The following CLTCL1 variants were observed in gnomAD, a reference collection of about 807,000 sequenced individuals.
The protein encoded by CLTCL1 is clathrin heavy chain 2.
A neutral mutation model predicts 190.0 loss-of-function variants in CLTCL1; 159 were observed. That is an observed-to-expected ratio of 0.84 (90% CI 0.74 to 0.95). The LOEUF (loss-of-function observed/expected upper bound fraction) is 0.95. Among genes scored for constraint, CLTCL1 ranks in the 40% least tolerant of loss-of-function variants. CLTCL1 has a pLI of 0.00. For missense variants in CLTCL1, 1,878 were observed against 2,033.4 expected, an observed-to-expected ratio of 0.92 and a Z score of 1.47; for synonymous variants, 752 against 769.6, an observed-to-expected ratio of 0.98 and a Z score of 0.38.
chr22:19,191,554 A>C, intron 26 of CLTCL1, 119 bp from the exon 27 acceptor site: 1 of 1,203,268 alleles, frequency 8.3e-7, no homozygotes, highest in Non-Finnish European at 1.2e-6. Context: ...TACCCCCTAT[A>C]AGACTCAATG....
intron 3 of CLTCL1, among the ~76,000 whole-genome samples, chr22:19,253,107 A>C (rs1198647831): frequency 6.6e-6 from 1 of 152,098 alleles, no homozygotes; most frequent in Admixed American, 6.6e-5. Context: ...CTTAAAATAC[A>C]GTCTAAGAAC....
intron 31 of CLTCL1, 75 bp from the exon 32 acceptor site, chr22:19,180,313 A>G: frequency 6.8e-7 from 1 of 1,466,950 alleles, no homozygotes; most frequent in Non-Finnish European, 9.5e-7. Flanking sequence ...GGCGTGCTGC[A>G]CACTCACACC....
rs1555971306 is a variant in CLTCL1 at position 19,254,002 on chromosome 22, T to C, written c.476A>G (p.Asp159Gly). ...GAGCAGCAGCCACTTCTGGTACTCA[T>C]CAGTCCGGTAGTGAATCACCTGGCA... Reference protein sequence around the residue: ...VGCQVIHYRTDEYQKWLLLVG... With the variant: ...VGCQVIHYRTGEYQKWLLLVG... The change falls in exon 3 of 33, where the codon GAT becomes GGT. Residue 159 changes from aspartate to glycine, a missense_variant. Coordinates refer to ENST00000427926, the MANE Select transcript of CLTCL1 (RefSeq NM_007098.4). 1 of 1,613,276 alleles carries C rather than the reference T, an allele frequency of 6.2e-7. No individual in the cohort carries two copies. The highest frequency in any genetic ancestry group is 1.1e-5 in the South Asian group (1 of 90,892).
intron 22 of CLTCL1, 22 bp downstream of exon 22, chr22:19,208,131 AG>A (rs1394758958): frequency 1.2e-6 from 2 of 1,613,538 alleles, no homozygotes; most frequent in East Asian, 4.5e-5. Context: ...GGCAGTGCAC[AG>A]CCCCCAGGGG....
At position 19,183,631 on chromosome 22, in the gene CLTCL1, T is replaced by C; in HGVS notation, c.4606-20A>G. Reference sequence around the variant, plus strand: ...GGCATCCTGCAGCCAAGGCAAATGCTTGCTTGGGCATCCTGCAGGCAGAGG... The same window carrying C: ...GGCATCCTGCAGCCAAGGCAAATGCCTGCTTGGGCATCCTGCAGGCAGAGG... On this transcript the variant is annotated intron_variant, in intron 29 of 32. Transcript: ENST00000427926. The C allele has an allele frequency of 6.2e-7, 1 of 1,611,494 alleles. No homozygotes were observed. The highest frequency in any genetic ancestry group is 8.5e-7 in the Non-Finnish European group (1 of 1,178,692).
intron 27 of CLTCL1, among the ~76,000 whole-genome samples, chr22:19,190,097 C>T (rs1189122109): frequency 6.6e-6 from 1 of 152,252 alleles, no homozygotes; most frequent in Non-Finnish European, 1.5e-5. Flanking sequence ...CCTGTCACCA[C>T]GTCTGGCTAA....
In CLTCL1 at chr22:19,253,279, T is replaced by G. The variant is rs73377870; in HGVS notation, c.519+680A>C. ...CAGAGATGCCAGGAAGGCCGCGTTG[T>G]GTGTGGGCCGTGGTGTGTGCGGGCA... is the stretch of plus-strand genomic sequence containing the variant. On this transcript the variant is annotated intron_variant, in intron 3 of 32. Coordinates refer to ENST00000427926, the MANE Select transcript of CLTCL1 (RefSeq NM_007098.4). 9.1e-3 allele frequency among the ~76,000 whole-genome samples: 1,386 copies of G among 152,254 alleles called. 17 individuals are homozygous for G. Among genetic ancestry groups the G allele is most frequent in the African/African-American group, 0.032 (1,335 of 41,542 alleles).
intron 3 of CLTCL1, among the ~76,000 whole-genome samples, chr22:19,251,240 T>C (rs1262368892): frequency 6.6e-6 from 1 of 151,912 alleles, no homozygotes; most frequent in Admixed American, 6.6e-5. Flanking sequence ...TTATTATTAA[T>C]GAGATTGCTT....
intron 30 of CLTCL1, chr22:19,182,890 G>C (rs1348198380): frequency 6.0e-6 from 1 of 165,922 alleles, no homozygotes; most frequent in Non-Finnish European, 1.3e-5. Flanking sequence ...CTGTCACTTC[G>C]ATGAGGCAGA....
At chr22:19,262,360 C>T (rs1186091014) in intron 2 of CLTCL1, among the ~76,000 whole-genome samples, 1 of 150,762 alleles carries the variant, frequency 6.6e-6, no homozygotes, top group Non-Finnish European at 1.5e-5. Flanking sequence ...CAGCCTGTCG[C>T]GGTGGCTCAT....
intron 1 of CLTCL1, among the ~76,000 whole-genome samples, chr22:19,288,144 A>C (rs2087975165): frequency 6.6e-6 from 1 of 152,202 alleles, no homozygotes; most frequent in South Asian, 2.1e-4. Context: ...AGTAGCGGTC[A>C]GTTACCAGGT....
At position 19,274,045 on chromosome 22, in the gene CLTCL1, T is replaced by C. The variant is rs531313169; in HGVS notation, c.250+1578A>G. Among the ~76,000 whole-genome samples, 7 of 152,196 alleles carry C rather than the reference T, an allele frequency of 4.6e-5. No individual in the cohort carries two copies. The South Asian group carries it at 1.5e-3, about 32-fold the overall frequency. The stretch of plus-strand genomic sequence containing the variant: ...CACCCTAGGAGCTCCGCACTGCACA[T>C]TGTTAAAGAGAACTGTACCAGAAAA... On this transcript the variant is annotated intron_variant, in intron 2 of 32. Transcript: ENST00000427926.
chr22:19,186,353 G>A (rs578134869), intron 29 of CLTCL1, among the ~76,000 whole-genome samples: 4 of 152,070 alleles, frequency 2.6e-5, no homozygotes, highest in African/African-American at 7.2e-5. Flanking sequence ...GAGATGTTCA[G>A]GCCAAGCAGA....
At position 19,232,470 on chromosome 22, in the gene CLTCL1, G is replaced by A. The variant is rs782353935; in HGVS notation, c.1644+6C>T. The A allele has an allele frequency of 1.9e-5, 30 of 1,613,720 alleles. No individual in the cohort carries two copies. In the Middle Eastern group the frequency reaches 4.9e-4, roughly 27 times the overall value. ...CAAAAAGTTGTCCAAAACTGCCTAC[G>A]CTCACCTGGCTAATGTTGGCCAGCG... On this transcript the variant is annotated splice_donor_region_variant and intron_variant, in intron 10 of 32. Coordinates refer to ENST00000427926, the MANE Select transcript of CLTCL1 (RefSeq NM_007098.4).
chr22:19,289,475 G>A (rs1555992021), intron 1 of CLTCL1, among the ~76,000 whole-genome samples: 1 of 152,166 alleles, frequency 6.6e-6, no homozygotes, highest in African/African-American at 2.4e-5. Flanking sequence ...GAAAAAATGG[G>A]GACAAAAGCC....
intron 22 of CLTCL1, among the ~76,000 whole-genome samples, chr22:19,202,073 C>T (rs2084904460): frequency 6.6e-6 from 1 of 152,018 alleles, no homozygotes; most frequent in South Asian, 2.1e-4. Context: ...AGCTCGCCAT[C>T]CTGAGCGCCT....
At chr22:19,210,304 A>C in intron 20 of CLTCL1, 22 bp downstream of exon 20, 3 of 1,608,570 alleles carry the variant, frequency 1.9e-6, no homozygotes, top group Non-Finnish European at 2.6e-6. Flanking sequence ...TAGGTCCGAC[A>C]TGCTTACACT....
At position 19,232,831 on chromosome 22, in the gene CLTCL1, G is replaced by T. The variant is rs373755834; in HGVS notation, c.1522-233C>A. ...AGCCCAGACCACAAAGAAGTTTCCTGATCTGTGTGCAAACACAGCCTGCCA... is the reference window on the plus strand; with the variant it reads ...AGCCCAGACCACAAAGAAGTTTCCTTATCTGTGTGCAAACACAGCCTGCCA... On this transcript the variant is annotated intron_variant, in intron 9 of 32. Transcript: ENST00000427926. 5.1e-5 allele frequency: 32 copies of T among 627,584 alleles called. 1 individual carries two copies. The East Asian group carries it at 5.9e-4, about 12-fold the overall frequency. 38.9% of individuals were successfully genotyped at this position (627,584 alleles called of 1,614,324 possible).
intron 29 of CLTCL1, among the ~76,000 whole-genome samples, chr22:19,186,902 T>G (rs1423073245): frequency 6.6e-6 from 1 of 151,760 alleles, no homozygotes; most frequent in Non-Finnish European, 1.5e-5. Context: ...CGTCCAGCCT[T>G]TGAATGTGAT....
Sources: gnomAD v4.1 joint callset for allele counts (sites outside exome capture counted in the v4.1 genomes callset) on GRCh38, gnomAD v4.1.1 for gene constraint, MANE v1.5 for transcripts, NCBI Gene and HGNC (gene_info 2026-07-23, HGNC 2026-07-21) for gene names.